TRAPPC8: variants seen among roughly 807,000 people sequenced by gnomAD.
The protein encoded by TRAPPC8 is trafficking protein particle complex subunit 8, also known as general sporulation gene 1 homolog.
Under a neutral mutation model 174.3 loss-of-function variants are expected in TRAPPC8, and 54 were observed. The ratio of observed to expected loss-of-function variants is 0.31; its 90% CI spans 0.25 to 0.39. The LOEUF (loss-of-function observed/expected upper bound fraction) is 0.39. Among genes scored for constraint, TRAPPC8 ranks in the 10% least tolerant of loss-of-function variants. The pLI is 1.00. For missense variants in TRAPPC8, 1,531 were observed against 1,699.1 expected, an observed-to-expected ratio of 0.90 and a Z score of 1.74; for synonymous variants, 630 against 579.9, an observed-to-expected ratio of 1.09 and a Z score of -1.24.
At chr18:31,856,967 A>G (rs1482948597) in intron 20 of TRAPPC8, among the ~76,000 whole-genome samples, 1 of 152,056 alleles carries the variant, frequency 6.6e-6, no homozygotes, top group African/African-American at 2.4e-5. Flanking sequence ...TGTAAAAATG[A>G]CAATGGAGGT....
chr18:31,928,978 C>A (rs757888850), intron 2 of TRAPPC8, among the ~76,000 whole-genome samples: 1 of 151,822 alleles, frequency 6.6e-6, no homozygotes, highest in Non-Finnish European at 1.5e-5. Context: ...GTCAGGAGTT[C>A]GAAACCAGCC....
Position 31,907,511 on chromosome 18 carries a change from T to C in TRAPPC8, c.1338A>G (p.Ala446=). 6.2e-7 allele frequency: 1 copy of C among 1,607,206 alleles called. No individual in the cohort carries two copies. The change falls in exon 9 of 29, where the codon GCA becomes GCG. Residue 446 remains alanine (A), a synonymous_variant. Transcript: ENST00000283351. ...YDLAYSCYHT[A]KKDFLNDQAM... is the part of the protein sequence containing the mutation. ...CTTGATCATTAAGAAAATCTTTCTT[T>C]GCAGTATGATAGCAACTGTAAGCCA...
Position 31,849,721 on chromosome 18 carries a change from G to T in TRAPPC8, c.3580C>A (p.Pro1194Thr). The change falls in exon 25 of 29, where the codon CCA becomes ACA. Residue 1194 changes from proline to threonine, a missense_variant. Coordinates refer to ENST00000283351, the MANE Select transcript of TRAPPC8 (RefSeq NM_014939.5). ...GNEQIISSAS[P>T]CADFFYRSLS... Reference sequence around the variant, plus strand: ...CTTCGATAAAAGAAGTCTGCACATGGGCTTGCTGAACTTATTATCTGTTAA... The same window carrying T: ...CTTCGATAAAAGAAGTCTGCACATGTGCTTGCTGAACTTATTATCTGTTAA... 6.2e-7 allele frequency: 1 copy of T among 1,601,468 alleles called. No homozygotes were observed. The highest frequency in any genetic ancestry group is 8.5e-7 in the Non-Finnish European group (1 of 1,175,044).
intron 2 of TRAPPC8, among the ~76,000 whole-genome samples, chr18:31,929,019 AAAAATAC>A (rs2037741872): frequency 6.6e-6 from 1 of 151,942 alleles, no homozygotes; most frequent in South Asian, 2.1e-4. Flanking sequence ...CATCACCTCT[AAAAATAC>A]AAAAAATTAG....
Position 31,894,989 on chromosome 18 carries a change from T to C in TRAPPC8, c.1596+2797A>G, listed in dbSNP as rs189657775. Among the ~76,000 whole-genome samples the C allele has an allele frequency of 2.6e-5, 4 of 152,348 alleles. No individual in the cohort carries two copies. The East Asian group carries it at 5.8e-4, about 22-fold the overall frequency. On this transcript the variant is annotated intron_variant, in intron 11 of 28. Coordinates refer to ENST00000283351, the MANE Select transcript of TRAPPC8 (RefSeq NM_014939.5). ...ATCCTATGCGGTGATAAAGGTAGCATGTTTCACCATTAAACTGGGTTTGCT... is the reference window on the plus strand; with the variant it reads ...ATCCTATGCGGTGATAAAGGTAGCACGTTTCACCATTAAACTGGGTTTGCT...
intron 9 of TRAPPC8, among the ~76,000 whole-genome samples, chr18:31,902,245 C>T (rs144547855): frequency 2.0e-5 from 3 of 152,274 alleles, no homozygotes; most frequent in Non-Finnish European, 2.9e-5. Flanking sequence ...GCAGGAGAAT[C>T]GCTTGAACCC....
Position 31,897,813 on chromosome 18 carries a change from T to G in TRAPPC8, c.1569A>C (p.Ala523=). 1 of 1,611,390 alleles carries G rather than the reference T, an allele frequency of 6.2e-7. No individual in the cohort carries two copies. Among genetic ancestry groups the G allele is most frequent in the South Asian group, 1.1e-5 (1 of 90,636 alleles). Residue 523 remains alanine, a synonymous_variant, in exon 11 of 29, where the codon GCA becomes GCC. Transcript: ENST00000283351. ...CACTGGTCAACCGTATTAGGAGAGC[T>G]GCAGCCTCTGAATATTTGCTTTGGC... ...LKSQSKYSEA[A]ALLIRLTSED... is the part of the protein sequence containing the mutation.
At chr18:31,933,411 A>T (rs1444156716) in intron 1 of TRAPPC8, among the ~76,000 whole-genome samples, 3 of 152,186 alleles carry the variant, frequency 2.0e-5, no homozygotes, top group African/African-American at 7.2e-5. Flanking sequence ...GTTACCCTGA[A>T]CAACTTAACC....
At chr18:31,919,583 AAT>A (rs2037295610) in intron 2 of TRAPPC8, among the ~76,000 whole-genome samples, 1 of 135,258 alleles carries the variant, frequency 7.4e-6, no homozygotes, top group Non-Finnish European at 1.6e-5. Context: ...TAAATAAATA[AAT>A]AAATAAAATA....
intron 20 of TRAPPC8, among the ~76,000 whole-genome samples, chr18:31,856,986 A>G (rs2034054886): frequency 6.6e-6 from 1 of 152,014 alleles, no homozygotes; most frequent in African/African-American, 2.4e-5. Context: ...GTATCAAAAG[A>G]AAATATTCTG....
intron 26 of TRAPPC8, among the ~76,000 whole-genome samples, chr18:31,841,943 C>T (rs1346710622): frequency 6.6e-6 from 1 of 152,048 alleles, no homozygotes; most frequent in Non-Finnish European, 1.5e-5. Flanking sequence ...GCTATGTTAC[C>T]CAAGCTGGTC....
At chr18:31,869,417 C>A (rs1348123719) in intron 16 of TRAPPC8, among the ~76,000 whole-genome samples, 1 of 152,164 alleles carries the variant, frequency 6.6e-6, no homozygotes, top group East Asian at 1.9e-4. Flanking sequence ...AGATTAGACA[C>A]CCAAACCCAT....
rs781671672 is a variant in TRAPPC8 at position 31,913,413 on chromosome 18, C to G, written c.727G>C (p.Asp243His). 6 of 1,604,702 alleles carry G rather than the reference C, an allele frequency of 3.7e-6. No homozygotes were observed. The South Asian group carries it at 6.8e-5, about 18-fold the overall frequency. ...TTCTGGAGATACTGACTCCAAGGAT[C>G]TGGTATCTGTTCATCTGATGCTCGA... ...SNRASDEQIP[D>H]PWSQYLQKNS... Residue 243 changes from aspartate to histidine, a missense_variant, in exon 5 of 29, where the codon GAT becomes CAT. Transcript: ENST00000283351.
chr18:31,919,318 A>C (rs1033310173), intron 2 of TRAPPC8, among the ~76,000 whole-genome samples: 3 of 152,078 alleles, frequency 2.0e-5, no homozygotes, highest in African/African-American at 7.2e-5. Context: ...GGATCACTTA[A>C]GGTCAGGAGT....
chr18:31,882,951 G>A (rs776388896), intron 12 of TRAPPC8, among the ~76,000 whole-genome samples: 4 of 148,082 alleles, frequency 2.7e-5, no homozygotes, highest in South Asian at 2.2e-4. Context: ...ACAGCCAGGC[G>A]CAGTGGCTCA....
chr18:31,873,408 G>T (rs779310396), intron 14 of TRAPPC8, 22 bp downstream of exon 14: 16 of 1,566,734 alleles, frequency 1.0e-5, no homozygotes, highest in Non-Finnish European at 1.4e-5. Context: ...TAGGTAATTA[G>T]GCTAAATAAA....
chr18:31,927,984 G>A (rs950377279), intron 2 of TRAPPC8, among the ~76,000 whole-genome samples: 6 of 151,592 alleles, frequency 4.0e-5, no homozygotes, highest in East Asian at 1.9e-4. Context: ...GTGAAACCCC[G>A]TCTCTTATTA....
At chr18:31,837,708 A>T (rs546438701) in intron 27 of TRAPPC8, among the ~76,000 whole-genome samples, 34 of 152,060 alleles carry the variant, frequency 2.2e-4, no homozygotes, top group African/African-American at 8.0e-4. Context: ...AGAAAAATTT[A>T]AAAAAAGAAA....
chr18:31,856,205 C>T (rs1406364181), intron 20 of TRAPPC8, among the ~76,000 whole-genome samples: 2 of 152,074 alleles, frequency 1.3e-5, no homozygotes. Context: ...CCTCCCAGAT[C>T]AAGCGATTCT....
Sources: gnomAD v4.1 joint callset for allele counts (sites outside exome capture counted in the v4.1 genomes callset) on GRCh38, gnomAD v4.1.1 for gene constraint, MANE v1.5 for transcripts, NCBI Gene and HGNC (gene_info 2026-07-23, HGNC 2026-07-21) for gene names.